Variants in BACH2 observed in about 807,000 individuals in gnomAD.
BACH2 encodes the protein transcription regulator protein BACH2.
A neutral mutation model predicts 61.8 loss-of-function variants in BACH2; 5 were observed. That is an observed-to-expected ratio of 0.08 (90% CI 0.04 to 0.17). The LOEUF (loss-of-function observed/expected upper bound fraction) is 0.17. Ranked by LOEUF, BACH2 falls within the 10% of genes least tolerant of loss-of-function variation. The pLI is 1.00. For missense variants in BACH2, 824 were observed against 1,091.1 expected, an observed-to-expected ratio of 0.76 and a Z score of 3.45; for synonymous variants, 446 against 440.1, an observed-to-expected ratio of 1.01 and a Z score of -0.17.
chr6:90,134,012 G>A (rs1269838368), intron 4 of BACH2, among the ~76,000 whole-genome samples: 1 of 152,208 alleles, frequency 6.6e-6, no homozygotes, highest in African/African-American at 2.4e-5. Flanking sequence ...GTGTGCATGT[G>A]TCTTTATAGC....
At chr6:90,155,881 GC>G (rs1784979462) in intron 4 of BACH2, among the ~76,000 whole-genome samples, 1 of 152,158 alleles carries the variant, frequency 6.6e-6, no homozygotes, top group Non-Finnish European at 1.5e-5. Context: ...AAGCAGGTGT[GC>G]AAAAATGCTG....
At chr6:90,102,157 G>A (rs1582361014) in intron 4 of BACH2, among the ~76,000 whole-genome samples, 1 of 151,990 alleles carries the variant, frequency 6.6e-6, no homozygotes, top group African/African-American at 2.4e-5. Context: ...AATATAAGGA[G>A]CTCATACTAT....
chr6:90,127,753 T>C (rs1435402325), intron 4 of BACH2, among the ~76,000 whole-genome samples: 1 of 152,216 alleles, frequency 6.6e-6, no homozygotes, highest in Non-Finnish European at 1.5e-5. Flanking sequence ...TTGGCTCAGC[T>C]CGGCGATCTG....
At chr6:90,096,291 C>T (rs984919953) in intron 4 of BACH2, among the ~76,000 whole-genome samples, 5 of 152,180 alleles carry the variant, frequency 3.3e-5, no homozygotes, top group African/African-American at 1.2e-4. Flanking sequence ...AATTCCCTCC[C>T]ACAACCCTTA....
intron 6 of BACH2, among the ~76,000 whole-genome samples, chr6:89,980,328 C>T (rs1005046841): frequency 1.1e-4 from 16 of 152,038 alleles, no homozygotes; most frequent in Admixed American, 2.0e-4. Flanking sequence ...GGGGACGATC[C>T]TCATTTCACA....
At position 90,212,120 on chromosome 6, in the gene BACH2, C is replaced by T. The variant is rs570606683; in HGVS notation, c.-274-5439G>A. 7.2e-5 allele frequency among the ~76,000 whole-genome samples: 11 copies of T among 152,310 alleles called. 1 individual carries two copies. Among genetic ancestry groups the T allele is most frequent in the Admixed American group, 6.5e-4 (10 of 15,300 alleles). ...AGCAATATCCCAAATTTCCTCTACT[C>T]TATTTTAAGGGGTGGAGTAATTCAC... is the stretch of plus-strand genomic sequence containing the variant. On this transcript the variant is annotated intron_variant, in intron 3 of 8. Coordinates refer to ENST00000257749, the MANE Select transcript of BACH2 (RefSeq NM_021813.4).
In BACH2 at chr6:90,111,483, A is replaced by G. The variant is rs138656026; in HGVS notation, c.-161-22374T>C. 1.1e-4 allele frequency among the ~76,000 whole-genome samples: 17 copies of G among 152,234 alleles called. 1 individual carries two copies. The highest frequency in any genetic ancestry group is 3.9e-4 in the African/African-American group (16 of 41,524). ...AGCCTGCAAGGCCCTGGCTGCCCCT[A>G]TTTTCTCATTCATGCCTGTACTCCT... On this transcript the variant is annotated intron_variant, in intron 4 of 8. Coordinates refer to ENST00000257749, the MANE Select transcript of BACH2 (RefSeq NM_021813.4).
intron 6 of BACH2, among the ~76,000 whole-genome samples, chr6:89,981,784 G>T (rs577911730): frequency 6.6e-6 from 1 of 152,258 alleles, no homozygotes; most frequent in African/African-American, 2.4e-5. Flanking sequence ...AGCCTTTCTT[G>T]TAAGGAGTTA....
At chr6:90,189,584 C>T (rs1050670908) in intron 4 of BACH2, among the ~76,000 whole-genome samples, 5 of 138,138 alleles carry the variant, frequency 3.6e-5, no homozygotes, top group East Asian at 2.1e-4. Context: ...GTCCGCAGTC[C>T]GGCCTGGGCG....
chr6:90,296,783 C>T lies in BACH2; in HGVS notation c.-749G>A, dbSNP rs1039630392. 5.8e-6 allele frequency: 1 copy of T among 172,476 alleles called. No individual in the cohort carries two copies. The highest frequency in any genetic ancestry group is 1.2e-5 in the Non-Finnish European group (1 of 84,630). The allele number at this position is 172,476 out of a possible 1,614,324, so 10.7% of individuals were successfully genotyped here. ...GCGACCGCAGCCCGGGCGTGCACGGCCGCTGCTGCCGCTGCTGCTGCTGCT... is the reference window on the plus strand; with the variant it reads ...GCGACCGCAGCCCGGGCGTGCACGGTCGCTGCTGCCGCTGCTGCTGCTGCT... On this transcript the variant is annotated 5_prime_UTR_variant, in exon 1 of 9. Transcript: ENST00000257749.
At chr6:90,160,960 C>A (rs1380323925) in intron 4 of BACH2, among the ~76,000 whole-genome samples, 2 of 151,796 alleles carry the variant, frequency 1.3e-5, no homozygotes, top group East Asian at 1.9e-4. Flanking sequence ...TGGTGGCGTG[C>A]GCTTGTAGTA....
intron 1 of BACH2, among the ~76,000 whole-genome samples, chr6:90,295,350 A>C (rs2127896054): frequency 6.6e-6 from 1 of 152,108 alleles, no homozygotes; most frequent in African/African-American, 2.4e-5. Flanking sequence ...GGAGTGTGCC[A>C]CCCCTTCACA....
intron 4 of BACH2, among the ~76,000 whole-genome samples, chr6:90,103,040 T>A (rs1438599378): frequency 3.0e-5 from 4 of 131,350 alleles, no homozygotes; most frequent in South Asian, 5.0e-4. Context: ...TTTTTTTTTT[T>A]TTTTTTTTTT....
At chr6:90,167,847 T>C (rs1767682015) in intron 4 of BACH2, among the ~76,000 whole-genome samples, 1 of 152,226 alleles carries the variant, frequency 6.6e-6, no homozygotes, top group Non-Finnish European at 1.5e-5. Context: ...TTCTTTTTGC[T>C]GAGGTAGGCT....
At chr6:90,205,503 G>A (rs1451719495) in intron 4 of BACH2, among the ~76,000 whole-genome samples, 1 of 152,128 alleles carries the variant, frequency 6.6e-6, no homozygotes, top group Non-Finnish European at 1.5e-5. Context: ...TAGAGTGAAG[G>A]GAAGGGGATG....
At chr6:90,168,337 G>A (rs1767699668) in intron 4 of BACH2, among the ~76,000 whole-genome samples, 1 of 152,230 alleles carries the variant, frequency 6.6e-6, no homozygotes, top group South Asian at 2.1e-4. Context: ...CTGTGCAACA[G>A]GGCATAAAAG....
intron 2 of BACH2, among the ~76,000 whole-genome samples, chr6:90,263,724 T>C (rs989805279): frequency 3.9e-5 from 6 of 152,184 alleles, no homozygotes; most frequent in Admixed American, 2.0e-4. Flanking sequence ...AATAGTGTGC[T>C]AACACATCAG....
intron 6 of BACH2, among the ~76,000 whole-genome samples, chr6:89,953,808 T>C (rs973423396): frequency 1.4e-4 from 22 of 152,324 alleles, no homozygotes; most frequent in Admixed American, 1.4e-3. Flanking sequence ...CAAGGCATCA[T>C]GTAAACCAAC....
chr6:90,172,546 T>G (rs1341058584), intron 4 of BACH2, among the ~76,000 whole-genome samples: 2 of 151,430 alleles, frequency 1.3e-5, no homozygotes, highest in East Asian at 3.9e-4. Context: ...CTGGTAAAAC[T>G]GTAGAAGACC....
Sources: gnomAD v4.1 joint callset for allele counts (sites outside exome capture counted in the v4.1 genomes callset) on GRCh38, gnomAD v4.1.1 for gene constraint, MANE v1.5 for transcripts, NCBI Gene and HGNC (gene_info 2026-07-23, HGNC 2026-07-21) for gene names.